The following KIAA1671 variants were observed in gnomAD, a reference collection of about 807,000 sequenced individuals.
The protein encoded by KIAA1671 is KIAA1671.
Under a neutral mutation model 131.2 loss-of-function variants are expected in KIAA1671, and 52 were observed. That is an observed-to-expected ratio of 0.40 (90% CI 0.32 to 0.50). The LOEUF is 0.50. Among genes scored for constraint, KIAA1671 ranks in the 20% least tolerant of loss-of-function variants. The pLI is 0.73. For synonymous variants in KIAA1671, 1,003 were observed against 961.6 expected (o/e 1.04, Z -0.80); for missense variants, 2,360 against 2,364.2 (o/e 1.00, Z 0.04).
intron 6 of KIAA1671, chr22:25,070,396 A>C (rs1157610213): frequency 1.9e-6 from 1 of 514,780 alleles, no homozygotes; most frequent in Non-Finnish European, 3.6e-6. Context: ...CAGCCTGCTG[A>C]AGCTCTTGCG....
rs925390475 is a variant in KIAA1671, at chr22:25,028,684, C to T, written c.685C>T (p.Arg229Cys). Residue 229 changes from arginine to cysteine, a missense_variant, in exon 3 of 13, where the codon CGC becomes TGC. Physicochemically the swap from Arg to Cys is radical, Grantham distance 180 (BLOSUM62 -3). Transcript: ENST00000358431. ...SKASSVEDTA[R>C]PLVEPRPRLK... is the part of the protein sequence containing the mutation. ...GGCCAGCAGTGTGGAGGACACGGCA[C>T]GCCCCCTTGTGGAGCCCAGGCCTCG... 5.8e-6 allele frequency: 9 copies of T among 1,551,176 alleles called. No homozygotes were observed. In the East Asian group the frequency reaches 7.3e-5, roughly 13 times the overall value.
chr22:25,028,367 G>A lies in KIAA1671; in HGVS notation c.368G>A (p.Gly123Asp). The A allele has an allele frequency of 1.3e-6, 2 of 1,550,786 alleles. No homozygotes were observed. Among genetic ancestry groups the A allele is most frequent in the South Asian group, 2.4e-5 (2 of 84,050 alleles). The part of the protein sequence containing the change: ...LVGQEVGSGE[G>D]PRTSSPLFNK... The stretch of plus-strand genomic sequence containing the variant: ...GGGCAGGAGGTGGGCAGTGGGGAGG[G>A]CCCGAGGACGAGCTCGCCCCTCTTC... Residue 123 changes from glycine to aspartate, a missense_variant, in exon 3 of 13, where the codon GGC becomes GAC. By Grantham distance (94) the Gly-to-Asp change is moderately conservative (BLOSUM62 -1). Transcript: ENST00000358431.
At chr22:24,991,411 G>A (rs759216356) in intron 1 of KIAA1671, among the ~76,000 whole-genome samples, 5 of 151,332 alleles carry the variant, frequency 3.3e-5, no homozygotes, top group Admixed American at 6.6e-5. Flanking sequence ...TTGACAAGAT[G>A]AGTCACCTTG....
intron 1 of KIAA1671, chr22:25,014,795 G>T (rs1602067782): frequency 6.6e-6 from 1 of 152,140 alleles, no homozygotes; most frequent in Non-Finnish European, 1.5e-5. Context: ...CTAGTGGAGG[G>T]GTGAGGCTCA....
At chr22:25,157,580 T>C (rs1933286474) in intron 6 of KIAA1671, among the ~76,000 whole-genome samples, 1 of 152,204 alleles carries the variant, frequency 6.6e-6, no homozygotes, top group South Asian at 2.1e-4. Context: ...ACCTTAGAAC[T>C]GTAGAGCTTA....
intron 6 of KIAA1671, among the ~76,000 whole-genome samples, chr22:25,119,494 G>A (rs1931834213): frequency 6.6e-6 from 1 of 152,234 alleles, no homozygotes; most frequent in Admixed American, 6.5e-5. Flanking sequence ...CAGATACTGT[G>A]CTCAGTAGAG....
At chr22:25,005,454 A>AATACGG (rs1173514208) in intron 1 of KIAA1671, among the ~76,000 whole-genome samples, 14 of 152,118 alleles carry the variant, frequency 9.2e-5, no homozygotes, top group African/African-American at 3.1e-4. Context: ...TATGCTAGTT[A>AATACGG]ATACGGATGA....
At chr22:25,014,293 AAAC>A (rs1925192371) in intron 1 of KIAA1671, 1 of 152,180 alleles carries the variant, frequency 6.6e-6, no homozygotes, top group African/African-American at 2.4e-5. Context: ...TAACAACAAA[AAAC>A]AAATTTCTAA....
rs960873114 is a variant in KIAA1671, at chr22:25,028,841, G to A, written c.842G>A (p.Arg281Lys). The A allele has an allele frequency of 6.4e-7, 1 of 1,550,986 alleles. No individual in the cohort carries two copies. Among genetic ancestry groups the A allele is most frequent in the Non-Finnish European group, 8.7e-7 (1 of 1,146,890 alleles). ...PPEKTWVRKP[R>K]PLSMDLTARF... ...GAGAAGACGTGGGTGAGGAAGCCCAGGCCCTTGTCCATGGACCTCACGGCC... is the reference window on the plus strand; with the variant it reads ...GAGAAGACGTGGGTGAGGAAGCCCAAGCCCTTGTCCATGGACCTCACGGCC... The change falls in exon 3 of 13, where the codon AGG becomes AAG. Residue 281 changes from arginine to lysine, a missense_variant. Transcript: ENST00000358431.
chr22:24,966,074 A>G (rs1008136385), intron 1 of KIAA1671, among the ~76,000 whole-genome samples: 4 of 152,186 alleles, frequency 2.6e-5, no homozygotes, highest in African/African-American at 9.6e-5. Flanking sequence ...GCAGGCAGGG[A>G]GGACTAGAGC....
At chr22:25,111,257 A>G (rs73399832) in intron 6 of KIAA1671, among the ~76,000 whole-genome samples, 2 of 152,226 alleles carry the variant, frequency 1.3e-5, no homozygotes, top group African/African-American at 2.4e-5. Flanking sequence ...ACACATGCAC[A>G]CACGTGCAGC....
intron 1 of KIAA1671, among the ~76,000 whole-genome samples, chr22:25,024,825 G>A (rs13056641): frequency 0.15 from 22,881 of 152,076 alleles, 2,195 homozygotes; most frequent in Non-Finnish European, 0.21. Context: ...GAATGGGAGA[G>A]GCTGATGTGA....
At position 25,158,778 on chromosome 22, in the gene KIAA1671, C is replaced by T. The variant is rs115570170; in HGVS notation, c.4531-12042C>T. Among the ~76,000 whole-genome samples the T allele has an allele frequency of 1.1e-3, 174 of 152,194 alleles. 1 individual carries two copies. The highest frequency in any genetic ancestry group is 3.8e-3 in the African/African-American group (156 of 41,514). The stretch of plus-strand genomic sequence containing the variant: ...GGGATAGTAACAGTACCTGATTTCT[C>T]GGATTGTTGGGAGGACTAAATGTCA... On this transcript the variant is annotated intron_variant, in intron 6 of 12. Coordinates refer to ENST00000358431, the MANE Select transcript of KIAA1671 (RefSeq NM_001145206.2).
intron 6 of KIAA1671, among the ~76,000 whole-genome samples, chr22:25,149,381 C>T (rs1345439995): frequency 6.6e-6 from 1 of 152,172 alleles, no homozygotes; most frequent in Non-Finnish European, 1.5e-5. Flanking sequence ...CTTCTTCACT[C>T]CTTCAGGAAT....
At chr22:25,090,588 AC>A (rs1337769825) in intron 6 of KIAA1671, among the ~76,000 whole-genome samples, 10 of 152,258 alleles carry the variant, frequency 6.6e-5, no homozygotes, top group Non-Finnish European at 1.0e-4. Flanking sequence ...GTCGAGAGAA[AC>A]AGCCAGGGGC....
In KIAA1671 at chr22:24,956,856, A is replaced by C. The variant is rs1921730287; in HGVS notation, c.-208+4084A>C. On this transcript the variant is annotated intron_variant, in intron 1 of 12. Transcript: ENST00000358431. ...CACTGCACTCCAGCCTGGGCGAGAG[A>C]GCGAGACTCTGTCTCAAAAAAAAAA... Among the ~76,000 whole-genome samples the C allele has an allele frequency of 3.6e-5, 5 of 139,702 alleles. No individual in the cohort carries two copies. The South Asian group carries it at 1.2e-3, about 35-fold the overall frequency. The allele number at this position is 139,702 out of a possible 152,430, so 91.6% of individuals were successfully genotyped here. A position where few individuals can be genotyped will look rare whatever the true frequency, so the allele number is the denominator to read the frequency against.
At chr22:24,972,102 C>T (rs1194146776) in intron 1 of KIAA1671, among the ~76,000 whole-genome samples, 1 of 152,122 alleles carries the variant, frequency 6.6e-6, no homozygotes, top group Non-Finnish European at 1.5e-5. Flanking sequence ...CATATAGGAT[C>T]ATTGCAGAAC....
At chr22:24,999,992 C>T (rs1924352399) in intron 1 of KIAA1671, among the ~76,000 whole-genome samples, 2 of 152,086 alleles carry the variant, frequency 1.3e-5, no homozygotes, top group Non-Finnish European at 2.9e-5. Context: ...TCAAGCTATT[C>T]TCCTGCCTTA....
At chr22:25,015,227 T>TAAAAAA (rs3063199) in intron 1 of KIAA1671, among the ~76,000 whole-genome samples, 1 of 115,836 alleles carries the variant, frequency 8.6e-6, no homozygotes, top group Admixed American at 9.4e-5. Context: ...CCTTGTCCCT[T>TAAAAAA]AAAAAAAAAA....
Sources: gnomAD v4.1 joint callset for allele counts (sites outside exome capture counted in the v4.1 genomes callset) on GRCh38, gnomAD v4.1.1 for gene constraint, MANE v1.5 for transcripts, NCBI Gene and HGNC (gene_info 2026-07-23, HGNC 2026-07-21) for gene names.